GAS7: variants seen among roughly 807,000 people sequenced by gnomAD.
GAS7 encodes the protein growth arrest-specific protein 7.
GAS7 carries 28 observed loss-of-function variants against 71.1 expected under a neutral mutation model. The ratio of observed to expected loss-of-function variants is 0.39; its 90% CI spans 0.29 to 0.54. The LOEUF is 0.54. GAS7 is among the 20% of genes least tolerant of loss of function. The pLI, the probability that GAS7 is intolerant of heterozygous loss-of-function variation, is 0.62. For missense variants in GAS7, 436 were observed against 627.8 expected (o/e 0.69, Z 3.27); for synonymous variants, 258 against 245.8 (o/e 1.05, Z -0.46).
chr17:9,981,455 T>C lies in GAS7; in HGVS notation c.385+349A>G, dbSNP rs973222480. Among the ~76,000 whole-genome samples the C allele has an allele frequency of 6.6e-6, 1 of 152,200 alleles. No individual in the cohort carries two copies. Among genetic ancestry groups the C allele is most frequent in the Non-Finnish European group, 1.5e-5 (1 of 68,030 alleles). On this transcript the variant is annotated intron_variant, in intron 3 of 13. Transcript: ENST00000432992. The surrounding 1 kb of genome is among the most constrained non-coding windows in gnomAD (Gnocchi z 4.4). ...TAAACATCTACCTCCTTTTAGCTTC[T>C]ACTCCGTGATGTCCACAAGAGCCAC... is the stretch of plus-strand genomic sequence containing the variant.
chr17:10,059,645 G>C (rs540542121), intron 1 of GAS7: 6 of 975,412 alleles, frequency 6.2e-6, no homozygotes, highest in African/African-American at 1.8e-5. Context: ...AATTAGCTTC[G>C]AGCATCTGCA....
intron 1 of GAS7, among the ~76,000 whole-genome samples, chr17:10,133,122 A>ATATATATATATATATAT (rs1392845338): frequency 2.8e-4 from 33 of 118,904 alleles, no homozygotes; most frequent in African/African-American, 1.0e-3. Flanking sequence ...ATATTTTTAT[A>ATATATATATATATATAT]TTTTTTTTTT....
chr17:10,108,228 ACCT>A (rs1213794643), intron 1 of GAS7, among the ~76,000 whole-genome samples: 8 of 152,244 alleles, frequency 5.3e-5, no homozygotes, highest in Admixed American at 2.6e-4. Context: ...CTCCCTAACA[ACCT>A]CCACCTGGCA....
chr17:10,050,252 T>C lies in GAS7; in HGVS notation c.184-30355A>G, dbSNP rs80324044. 7.0e-3 allele frequency among the ~76,000 whole-genome samples: 1,069 copies of C among 152,276 alleles called. 18 individuals are homozygous for C. Among genetic ancestry groups the C allele is most frequent in the African/African-American group, 0.024 (1,012 of 41,550 alleles). On this transcript the variant is annotated intron_variant, in intron 1 of 13. Transcript: ENST00000432992. ...TATTTATCAGGTAGGGTTTATTGTA[T>C]TATCTTTCAAATGGCAAGACAGTTG...
rs112754879 is a variant in GAS7 at position 10,118,780 on chromosome 17, C to T, written c.183+79428G>A. 9.9e-5 allele frequency among the ~76,000 whole-genome samples: 15 copies of T among 151,940 alleles called. No homozygotes were observed. The South Asian group carries it at 2.7e-3, about 27-fold the overall frequency. ...CTTATCAGGGGGGTGGTCCTACCCC[C>T]GGGGCCCAGTTAACCATGAGGACCA... On this transcript the variant is annotated intron_variant, in intron 1 of 13. Coordinates refer to ENST00000432992, the MANE Select transcript of GAS7 (RefSeq NM_201433.2).
chr17:9,936,261 G>A (rs773465344), intron 8 of GAS7, among the ~76,000 whole-genome samples: 19 of 152,294 alleles, frequency 1.2e-4, no homozygotes, highest in Non-Finnish European at 2.4e-4. Context: ...CCCTGCAGCT[G>A]AGCCACACAC....
chr17:10,105,812 A>G (rs2073751168), intron 1 of GAS7, among the ~76,000 whole-genome samples: 1 of 151,980 alleles, frequency 6.6e-6, no homozygotes, highest in African/African-American at 2.4e-5. Context: ...TCTCCACCCC[A>G]AAGTATACTC....
At chr17:10,107,801 G>T (rs1351360939) in intron 1 of GAS7, among the ~76,000 whole-genome samples, 2 of 149,846 alleles carry the variant, frequency 1.3e-5, no homozygotes, top group Non-Finnish European at 3.0e-5. Flanking sequence ...GAGGGGCTGG[G>T]CAGGAGAACC....
rs756911825 is a variant in GAS7, at chr17:9,943,170, G to A, written c.682C>T (p.Leu228=). The change falls in exon 7 of 14, where the codon CTG becomes TTG. Residue 228 remains leucine, a synonymous_variant. Transcript: ENST00000432992. ...TCCTTCTGCATTTGTTTGCCCTTCA[G>A]CTGTTTCTGGAGCAGTAGTTCAAAC... ...AGFELLLQKQ[L]KGKQMQKEMS... 3.1e-6 allele frequency: 5 copies of A among 1,613,612 alleles called. No homozygotes were observed. Among genetic ancestry groups the A allele is most frequent in the Non-Finnish European group, 4.2e-6 (5 of 1,179,494 alleles).
In GAS7 at chr17:10,034,370, G is replaced by A. The variant is rs562587980; in HGVS notation, c.184-14473C>T. 3.0e-5 allele frequency: 8 copies of A among 268,616 alleles called. No individual in the cohort carries two copies. The highest frequency in any genetic ancestry group is 1.4e-4 in the South Asian group (1 of 7,190). 16.6% of individuals were successfully genotyped at this position (268,616 alleles called of 1,614,324 possible). ...GTCACCCAGGCTGGAGTGCAGTGGC[G>A]TGATCTCGGCTCACTGCAACCTAAG... On this transcript the variant is annotated intron_variant, in intron 1 of 13. Coordinates refer to ENST00000432992, the MANE Select transcript of GAS7 (RefSeq NM_201433.2). The surrounding 1 kb of genome is among the most constrained non-coding windows in gnomAD (Gnocchi z 4.4).
intron 1 of GAS7, among the ~76,000 whole-genome samples, chr17:10,144,076 C>T (rs945079653): frequency 3.9e-5 from 6 of 152,162 alleles, no homozygotes; most frequent in African/African-American, 1.2e-4. Context: ...GAGCAGGGAA[C>T]GGGGGACTCG....
At position 10,109,607 on chromosome 17, in the gene GAS7, A is replaced by C. The variant is rs544056039; in HGVS notation, c.183+88601T>G. On this transcript the variant is annotated intron_variant, in intron 1 of 13. Transcript: ENST00000432992. ...CCCACTGCTGGGTATTTATCCAAACAAAAAGAAATCAGGATATCAAAAGAC... is the reference window on the plus strand; with the variant it reads ...CCCACTGCTGGGTATTTATCCAAACCAAAAGAAATCAGGATATCAAAAGAC... Among the ~76,000 whole-genome samples, 335 of 152,320 alleles carry C rather than the reference A, an allele frequency of 2.2e-3. 3 individuals are homozygous for C. The highest frequency in any genetic ancestry group is 0.017 in the South Asian group (83 of 4,828).
intron 1 of GAS7, among the ~76,000 whole-genome samples, chr17:10,083,036 G>A (rs1480026535): frequency 6.6e-6 from 1 of 152,180 alleles, no homozygotes; most frequent in Non-Finnish European, 1.5e-5. Flanking sequence ...AGCTTTCTGG[G>A]AAGATGTCTT....
intron 7 of GAS7, among the ~76,000 whole-genome samples, chr17:9,940,427 T>G (rs1380607308): frequency 6.6e-6 from 1 of 152,192 alleles, no homozygotes; most frequent in Non-Finnish European, 1.5e-5. Context: ...ATCTGCAAAG[T>G]AGGACATTTT....
At chr17:10,161,419 A>G (rs73974428) in intron 1 of GAS7, among the ~76,000 whole-genome samples, 85 of 152,344 alleles carry the variant, frequency 5.6e-4, no homozygotes, top group African/African-American at 1.7e-3. Flanking sequence ...GTGGTTCCCC[A>G]AAGAAAAATG....
At chr17:10,176,359 G>T (rs1427400082) in intron 1 of GAS7, among the ~76,000 whole-genome samples, 1 of 152,128 alleles carries the variant, frequency 6.6e-6, no homozygotes, top group Non-Finnish European at 1.5e-5. Context: ...GCTGGGGAGA[G>T]ACTCCCCCAC....
intron 1 of GAS7, among the ~76,000 whole-genome samples, chr17:10,025,083 G>A (rs767271351): frequency 2.0e-4 from 30 of 152,038 alleles, no homozygotes; most frequent in Admixed American, 1.4e-3. Context: ...AGTGTGGCAC[G>A]GTTAATGGTA....
chr17:10,023,626 G>A (rs2072353069), intron 1 of GAS7, among the ~76,000 whole-genome samples: 1 of 152,224 alleles, frequency 6.6e-6, no homozygotes, highest in South Asian at 2.1e-4. Context: ...CATATGAAAT[G>A]CCCAGAATGG....
chr17:10,039,725 T>C (rs950049627), intron 1 of GAS7: 18 of 456,068 alleles, frequency 3.9e-5, no homozygotes, highest in Non-Finnish European at 6.2e-5. Flanking sequence ...TGGCCACCTA[T>C]AGCAGGACTC....
Sources: gnomAD v4.1 joint callset for allele counts (sites outside exome capture counted in the v4.1 genomes callset) on GRCh38, gnomAD v4.1.1 for gene constraint, Gnocchi (gnomAD v3.1) non-coding constraint, MANE v1.5 for transcripts, NCBI Gene and HGNC (gene_info 2026-07-23, HGNC 2026-07-21) for gene names.